MTMR12: variants seen among roughly 807,000 people sequenced by gnomAD.
The protein encoded by MTMR12 is myotubularin related protein 12.
MTMR12 carries 33 observed loss-of-function variants against 96.7 expected under a neutral mutation model. The ratio of observed to expected loss-of-function variants is 0.34; its 90% confidence interval spans 0.26 to 0.46. MTMR12 has a LOEUF of 0.46. Among genes scored for constraint, MTMR12 ranks in the 20% least tolerant of loss-of-function variants. MTMR12 has a pLI of 1.00. For missense variants in MTMR12, 721 were observed against 896.1 expected, an observed-to-expected ratio of 0.80 and a Z score of 2.49; for synonymous variants, 298 against 327.2, an observed-to-expected ratio of 0.91 and a Z score of 0.96.
chr5:32,311,008 G>A, intron 1 of MTMR12, among the ~76,000 whole-genome samples: 1 of 151,916 alleles, frequency 6.6e-6, no homozygotes, highest in East Asian at 1.9e-4. Flanking sequence ...CAAGTAGCTG[G>A]GATTACAGGT....
rs1299678564 is a variant in MTMR12, at chr5:32,270,924, G to T, written c.382C>A (p.Leu128Ile). ...YGVFDEKKKTLFGQLKKYPEK... is the reference protein window; with the variant it reads ...YGVFDEKKKTIFGQLKKYPEK... ...GGGTATTTCTTCAGTTGTCCAAAGA[G>T]AGTTTTCTTTTTCTCATCAAACACT... The change falls in exon 5 of 16, where the codon CTC becomes ATC. Residue 128 changes from leucine (L) to isoleucine (I), a missense_variant. Coordinates refer to ENST00000382142, the MANE Select transcript of MTMR12 (RefSeq NM_001040446.3). The T allele has an allele frequency of 3.1e-6, 5 of 1,613,652 alleles. No individual in the cohort carries two copies. Among genetic ancestry groups the T allele is most frequent in the Middle Eastern group, 3.3e-4 (2 of 6,060 alleles).
chr5:32,260,424 T>C (rs1429256129), intron 7 of MTMR12, among the ~76,000 whole-genome samples: 3 of 151,728 alleles, frequency 2.0e-5, no homozygotes, highest in Admixed American at 6.6e-5. Flanking sequence ...CAGCTTTTCC[T>C]GTATATTTCT....
At chr5:32,268,128 G>A (rs1247623016) in intron 6 of MTMR12, among the ~76,000 whole-genome samples, 2 of 151,994 alleles carry the variant, frequency 1.3e-5, no homozygotes, top group African/African-American at 4.8e-5. Flanking sequence ...ACTGTATCTG[G>A]ACCTTGATCT....
intron 13 of MTMR12, among the ~76,000 whole-genome samples, chr5:32,236,516 C>T (rs1393740323): frequency 1.3e-5 from 2 of 152,078 alleles, no homozygotes; most frequent in Admixed American, 6.6e-5. Flanking sequence ...AACTGTATTC[C>T]AGCCTGGGCA....
At chr5:32,235,183 C>T (rs12152906) in intron 13 of MTMR12, 54 bp from the exon 14 acceptor site, 18 of 1,547,304 alleles carry the variant, frequency 1.2e-5, no homozygotes, top group Non-Finnish European at 1.5e-5. Context: ...GCAAGCCATC[C>T]TGAGTTCAGG....
chr5:32,251,440 G>T (rs1168156340), intron 8 of MTMR12, among the ~76,000 whole-genome samples: 2 of 152,144 alleles, frequency 1.3e-5, no homozygotes, highest in Non-Finnish European at 2.9e-5. Context: ...CCAAGGCCAG[G>T]ACAGGAACTT....
At chr5:32,291,068 G>A (rs1357256344) in intron 1 of MTMR12, among the ~76,000 whole-genome samples, 1 of 152,136 alleles carries the variant, frequency 6.6e-6, no homozygotes, top group Admixed American at 6.6e-5. Context: ...AGTTACATGA[G>A]GAAGTGGCTC....
At chr5:32,300,546 AC>A (rs1751099650) in intron 1 of MTMR12, among the ~76,000 whole-genome samples, 3 of 151,782 alleles carry the variant, frequency 2.0e-5, no homozygotes, top group Non-Finnish European at 4.4e-5. Context: ...CCCTCACCAC[AC>A]TGAGGGCCTC....
At chr5:32,297,816 T>C (rs1234187812) in intron 1 of MTMR12, among the ~76,000 whole-genome samples, 4 of 152,178 alleles carry the variant, frequency 2.6e-5, no homozygotes, top group Admixed American at 6.5e-5. Flanking sequence ...AGTATAAGCC[T>C]CAGATCCCAC....
At chr5:32,245,968 C>T (rs1255375287) in intron 10 of MTMR12, among the ~76,000 whole-genome samples, 1 of 152,190 alleles carries the variant, frequency 6.6e-6, no homozygotes, top group African/African-American at 2.4e-5. Flanking sequence ...GGCTGGACCA[C>T]TTCCACCTCT....
In MTMR12 at chr5:32,233,767, T is replaced by A. The variant is rs1205778206; in HGVS notation, c.1674+6A>T. ...TGAAGGGGGTTTAGACATGTGGACA[T>A]CTTACTTTGAAGCGCATTCCTTTCC... On this transcript the variant is annotated splice_donor_region_variant and intron_variant, in intron 15 of 15. Coordinates refer to ENST00000382142, the MANE Select transcript of MTMR12 (RefSeq NM_001040446.3). The surrounding 1 kb of genome is among the most constrained non-coding windows in gnomAD (Gnocchi z 5.0). 6.2e-7 allele frequency: 1 copy of A among 1,614,100 alleles called. No individual in the cohort carries two copies. Among genetic ancestry groups the A allele is most frequent in the East Asian group, 2.2e-5 (1 of 44,888 alleles).
At chr5:32,300,783 G>A (rs1561812630) in intron 1 of MTMR12, among the ~76,000 whole-genome samples, 2 of 152,176 alleles carry the variant, frequency 1.3e-5, no homozygotes, top group South Asian at 4.1e-4. Flanking sequence ...TGCATAAAGA[G>A]ATTTGTAGGG....
intron 4 of MTMR12, 63 bp downstream of exon 4, chr5:32,271,770 T>A: frequency 1.1e-6 from 1 of 941,532 alleles, no homozygotes. Context: ...ATAAAAATAT[T>A]ATTATCATTA....
rs746466585 is a variant in MTMR12 at position 32,233,897 on chromosome 5, T to C, written c.1550A>G (p.Asn517Ser). ...EGQDTQSKPL[N>S]LLTVWDWSVQ... ...CGACCAATCCCACACGGTGAGCAGA[T>C]TCAAAGGCTTGCTTTGTGTATCCTG... Residue 517 changes from asparagine to serine, a missense_variant, in exon 15 of 16, where the codon AAT becomes AGT. Asn to Ser is a conservative substitution (Grantham distance 46). Coordinates refer to ENST00000382142, the MANE Select transcript of MTMR12 (RefSeq NM_001040446.3). This position sits in a 1 kb window ranked among gnomAD's most constrained non-coding sequence, Gnocchi z 5.0. The C allele has an allele frequency of 1.9e-6, 3 of 1,614,176 alleles. No homozygotes were observed. The highest frequency in any genetic ancestry group is 1.7e-5 in the Admixed American group (1 of 60,024).
intron 1 of MTMR12, among the ~76,000 whole-genome samples, chr5:32,277,935 T>C (rs1430685012): frequency 6.6e-6 from 1 of 152,188 alleles, no homozygotes; most frequent in African/African-American, 2.4e-5. Flanking sequence ...TCTTTGTCCA[T>C]TCAAAGTTAC....
At position 32,263,552 on chromosome 5, in the gene MTMR12, C is replaced by T. The variant is rs570310846; in HGVS notation, c.584-310G>A. Among the ~76,000 whole-genome samples, 15 of 152,150 alleles carry T rather than the reference C, an allele frequency of 9.9e-5. No individual in the cohort carries two copies. The East Asian group carries it at 2.7e-3, about 27-fold the overall frequency. Reference sequence around the variant, plus strand: ...TGCCAGGTTAAAGTGATTCTCCCGCCTTAGCCTCATGAGTAGCTGGGACTA... The same window carrying T: ...TGCCAGGTTAAAGTGATTCTCCCGCTTTAGCCTCATGAGTAGCTGGGACTA... On this transcript the variant is annotated intron_variant, in intron 6 of 15. Coordinates refer to ENST00000382142, the MANE Select transcript of MTMR12 (RefSeq NM_001040446.3).
chr5:32,245,805 G>A (rs528376734), intron 10 of MTMR12, among the ~76,000 whole-genome samples: 133 of 152,108 alleles, frequency 8.7e-4, no homozygotes, highest in South Asian at 1.9e-3. Context: ...TCCAGCCTGG[G>A]CAACAGAGTG....
chr5:32,308,467 AG>A (rs1408737166), intron 1 of MTMR12, among the ~76,000 whole-genome samples: 5 of 152,166 alleles, frequency 3.3e-5, no homozygotes, highest in African/African-American at 4.8e-5. Flanking sequence ...AGCCAAGAGA[AG>A]GTTACCAGAC....
chr5:32,229,787 C>T lies in MTMR12; in HGVS notation c.2235G>A (p.Gly745=), dbSNP rs1161711437. 2 of 1,535,436 alleles carry T rather than the reference C, an allele frequency of 1.3e-6. No homozygotes were observed. The highest frequency in any genetic ancestry group is 1.8e-6 in the Non-Finnish European group (2 of 1,141,152). Residue 745 remains glycine, a synonymous_variant, in exon 16 of 16, where the codon GGG becomes GGA. Transcript: ENST00000382142. Reference sequence around the variant, plus strand: ...TCACTCAACAAACAGGTCACACATCCCCTAGGTCCACGAACTCATCTTCTC... The same window carrying T: ...TCACTCAACAAACAGGTCACACATCTCCTAGGTCCACGAACTCATCTTCTC... ...AKREDEFVDL[G]DV
Sources: gnomAD v4.1 joint callset for allele counts (sites outside exome capture counted in the v4.1 genomes callset) on GRCh38, gnomAD v4.1.1 for gene constraint, Gnocchi (gnomAD v3.1) non-coding constraint, MANE v1.5 for transcripts, NCBI Gene and HGNC (gene_info 2026-07-23, HGNC 2026-07-21) for gene names.